Variants in MGRN1 observed in about 807,000 individuals in gnomAD.
MGRN1 encodes mahogunin ring finger 1.
In MGRN1, 29 loss-of-function variants were observed where a neutral mutation model predicts 69.2. The ratio of observed to expected loss-of-function variants is 0.42; its 90% CI spans 0.31 to 0.57. The LOEUF (loss-of-function observed/expected upper bound fraction) is 0.57. Among genes scored for constraint, MGRN1 ranks in the 20% least tolerant of loss-of-function variants. MGRN1 has a pLI of 0.15. For missense variants in MGRN1, 998 were observed against 796.2 expected (o/e 1.25, Z -3.05); for synonymous variants, 470 against 344.2 (o/e 1.37, Z -4.04).
At chr16:4,634,951 C>T (rs903948520) in intron 1 of MGRN1, 4 of 152,218 alleles carry the variant, frequency 2.6e-5, no homozygotes, top group Non-Finnish European at 5.9e-5. Context: ...ATAACTGAAG[C>T]TTTCTTCTAA....
At chr16:4,660,058 G>A (rs1472551950) in intron 5 of MGRN1, among the ~76,000 whole-genome samples, 1 of 152,238 alleles carries the variant, frequency 6.6e-6, no homozygotes, top group Non-Finnish European at 1.5e-5. Flanking sequence ...GAACCTGAGG[G>A]GCTCAGATGC....
intron 1 of MGRN1, among the ~76,000 whole-genome samples, chr16:4,638,391 G>T (rs2078079217): frequency 6.6e-6 from 1 of 152,074 alleles, no homozygotes; most frequent in Non-Finnish European, 1.5e-5. Flanking sequence ...CCTGAACCCG[G>T]GAGGCAGAGG....
intron 16 of MGRN1, chr16:4,688,502 A>C (rs1039563358): frequency 1.7e-6 from 2 of 1,191,628 alleles, no homozygotes; most frequent in Middle Eastern, 3.4e-4. Context: ...CAGGAGGCCC[A>C]GAGGGCATCC....
rs2079189393 is a variant in MGRN1 at position 4,681,853 on chromosome 16, A to G, written c.1358+77A>G. On this transcript the variant is annotated intron_variant, in intron 13 of 16. Transcript: ENST00000262370. The stretch of plus-strand genomic sequence containing the variant: ...CGGAGCGGGTGTCTTTGTGGTTTCA[A>G]ATCAGTTTGTGATGTGTTCTGTGTG... 23 of 1,414,198 alleles carry G rather than the reference A, an allele frequency of 1.6e-5. No homozygotes were observed. The South Asian group carries it at 2.8e-4, about 17-fold the overall frequency. 87.6% of individuals were successfully genotyped at this position (1,414,198 alleles called of 1,614,324 possible).
intron 16 of MGRN1, chr16:4,688,529 G>A (rs1426790937): frequency 3.8e-5 from 47 of 1,245,712 alleles, no homozygotes; most frequent in East Asian, 1.3e-4. Flanking sequence ...GTGCCGTGTC[G>A]CGCTCTGACT....
At chr16:4,635,543 C>T (rs1898238751) in intron 1 of MGRN1, among the ~76,000 whole-genome samples, 1 of 151,820 alleles carries the variant, frequency 6.6e-6, no homozygotes. Flanking sequence ...GATCTTAGCT[C>T]ACTGCAACCT....
At position 4,683,733 on chromosome 16, in the gene MGRN1, C is replaced by T. The variant is rs2079242644; in HGVS notation, c.1529-110C>T. ...CCTGCTGGAGCACAAGCCTGGGGTCCCCACAGTGGCTACAGAGCCCTTGGG... is the reference window on the plus strand; with the variant it reads ...CCTGCTGGAGCACAAGCCTGGGGTCTCCACAGTGGCTACAGAGCCCTTGGG... On this transcript the variant is annotated intron_variant, in intron 15 of 16. Coordinates refer to ENST00000262370, the MANE Select transcript of MGRN1 (RefSeq NM_015246.4). 4.5e-6 allele frequency: 4 copies of T among 888,434 alleles called. No individual in the cohort carries two copies. In the Admixed American group the frequency reaches 7.5e-5, roughly 17 times the overall value. The allele number at this position is 888,434 out of a possible 1,614,324, so 55.0% of individuals were successfully genotyped here. A position where few individuals can be genotyped will look rare whatever the true frequency, so the allele number is the denominator to read the frequency against.
At chr16:4,658,920 C>T (rs543444275) in intron 5 of MGRN1, 1 of 152,124 alleles carries the variant, frequency 6.6e-6, no homozygotes, top group Non-Finnish European at 1.5e-5. Context: ...TCGCCTGAGC[C>T]TGGGAGATGG....
At chr16:4,652,105 G>GT in intron 3 of MGRN1, 54 bp downstream of exon 3, 1 of 1,562,176 alleles carries the variant, frequency 6.4e-7, no homozygotes, top group Non-Finnish European at 8.8e-7. Flanking sequence ...GCAGCCTGTG[G>GT]TGGAGGTTCT....
rs527979736 is a variant in MGRN1 at position 4,683,182 on chromosome 16, C to T, written c.1483-42C>T. On this transcript the variant is annotated intron_variant, in intron 14 of 16. Transcript: ENST00000262370. The stretch of plus-strand genomic sequence containing the variant: ...GCGGCTTGTCCTGGAGCGGTGGCCG[C>T]GGCTCTCTGAGCTCTAGGCTACTTT... 7 of 1,609,360 alleles carry T rather than the reference C, an allele frequency of 4.3e-6. No homozygotes were observed. In the African/African-American group the frequency reaches 5.3e-5, roughly 12 times the overall value.
In MGRN1 at chr16:4,677,465, T is replaced by C; in HGVS notation, c.958T>C (p.Phe320Leu). 6.4e-7 allele frequency: 1 copy of C among 1,554,312 alleles called. No homozygotes were observed. The highest frequency in any genetic ancestry group is 8.7e-7 in the Non-Finnish European group (1 of 1,153,052). ...ANNCPICRLPFRALLQIRAVR... is the reference protein window; with the variant it reads ...ANNCPICRLPLRALLQIRAVR... ...TCTGAGCCCTCCTTCTGCCGCAGCT[T>C]TCCGGGCCCTCCTGCAGATCCGGGC... Residue 320 changes from phenylalanine to leucine, a missense_variant and splice_region_variant, in exon 11 of 17, where the codon TTC (phenylalanine) becomes CTC (leucine). Transcript: ENST00000262370.
chr16:4,646,866 C>G (rs527424794), intron 1 of MGRN1, among the ~76,000 whole-genome samples: 2 of 152,302 alleles, frequency 1.3e-5, no homozygotes, highest in South Asian at 4.1e-4. Context: ...GGCTTCTGGA[C>G]CAGGGACCTG....
intron 10 of MGRN1, 89 bp from the exon 11 acceptor site, chr16:4,677,374 G>A (rs1000639253): frequency 1.1e-6 from 1 of 898,318 alleles, no homozygotes; most frequent in African/African-American, 1.8e-5. Context: ...CCTATGGTGT[G>A]GGGGGGGTGT....
At chr16:4,667,122 T>C (rs2078822505) in intron 7 of MGRN1, among the ~76,000 whole-genome samples, 1 of 152,214 alleles carries the variant, frequency 6.6e-6, no homozygotes, top group African/African-American at 2.4e-5. Flanking sequence ...AGGCCCAGCC[T>C]GCCTGCTGCG....
chr16:4,688,634 C>G lies in MGRN1; in HGVS notation c.1619-162C>G, dbSNP rs1596324741. 2.8e-6 allele frequency: 4 copies of G among 1,413,434 alleles called. No homozygotes were observed. In the South Asian group the frequency reaches 6.5e-5, roughly 23 times the overall value. The allele number at this position is 1,413,434 out of a possible 1,614,324, so 87.6% of individuals were successfully genotyped here. A position where few individuals can be genotyped will look rare whatever the true frequency, so the allele number is the denominator to read the frequency against. ...TTGGCACAGTTAGGGAGTCCCCGGGCCCTTGGTGTGCTCACATCTGAGTGA... is the reference window on the plus strand; with the variant it reads ...TTGGCACAGTTAGGGAGTCCCCGGGGCCTTGGTGTGCTCACATCTGAGTGA... On this transcript the variant is annotated intron_variant, in intron 16 of 16. Transcript: ENST00000262370.
chr16:4,687,123 G>A (rs180789210), intron 16 of MGRN1: 4 of 985,400 alleles, frequency 4.1e-6, no homozygotes, highest in Admixed American at 1.2e-4. Flanking sequence ...CACTGCTGCC[G>A]ACTCACCTGT....
intron 13 of MGRN1, among the ~76,000 whole-genome samples, chr16:4,682,415 A>G (rs1253204705): frequency 6.6e-6 from 1 of 152,178 alleles, no homozygotes; most frequent in Non-Finnish European, 1.5e-5. Context: ...CGGTTCTCGT[A>G]GAAGAGTGTC....
intron 2 of MGRN1, among the ~76,000 whole-genome samples, chr16:4,651,424 G>T (rs2078404389): frequency 6.6e-6 from 1 of 152,210 alleles, no homozygotes; most frequent in Non-Finnish European, 1.5e-5. Flanking sequence ...CTACTGGAGA[G>T]GCCATGGCTG....
intron 16 of MGRN1, 141 bp downstream of exon 16, chr16:4,684,073 C>T: frequency 5.2e-6 from 4 of 768,048 alleles, no homozygotes; most frequent in South Asian, 1.8e-5. Flanking sequence ...CAGCCATGCC[C>T]CTGCTATTGA....
Sources: gnomAD v4.1 joint callset for allele counts (sites outside exome capture counted in the v4.1 genomes callset) on GRCh38, gnomAD v4.1.1 for gene constraint, MANE v1.5 for transcripts, NCBI Gene and HGNC (gene_info 2026-07-23, HGNC 2026-07-21) for gene names.